The following CELF2 variants were observed in gnomAD, a reference collection of about 807,000 sequenced individuals.
The protein encoded by CELF2 is CUG triplet repeat RNA-binding protein 2.
In CELF2, 8 loss-of-function variants were observed where a neutral mutation model predicts 62.6. The observed-to-expected ratio is 0.13, with a 90% CI of 0.07 to 0.23. The LOEUF is 0.23. Ranked by LOEUF, CELF2 falls within the 10% of genes least tolerant of loss-of-function variation. CELF2 has a pLI of 1.00. For synonymous variants in CELF2, 258 were observed against 250.0 expected, an observed-to-expected ratio of 1.03 and a Z score of -0.30; for missense variants, 333 against 671.0, an observed-to-expected ratio of 0.50 and a Z score of 5.56.
chr10:11,197,321 G>T (rs922849456), intron 2 of CELF2, among the ~76,000 whole-genome samples: 5 of 152,152 alleles, frequency 3.3e-5, no homozygotes, highest in African/African-American at 9.7e-5. Flanking sequence ...CTCCCATTGT[G>T]ATGCTCACTC....
intron 1 of CELF2, among the ~76,000 whole-genome samples, chr10:10,868,597 G>A (rs6602459): frequency 6.6e-6 from 1 of 152,100 alleles, no homozygotes; most frequent in South Asian, 2.1e-4. Flanking sequence ...GGCAGAAGAG[G>A]AGATGGGATG....
chr10:10,653,032 C>T, the CELF2 span, among the ~76,000 whole-genome samples: 4 of 151,980 alleles, frequency 2.6e-5, no homozygotes, highest in African/African-American at 4.8e-5. Flanking sequence ...ATCTACCAAG[C>T]AAATGGAAAA....
At chr10:10,627,511 C>T in the CELF2 span, among the ~76,000 whole-genome samples, 1 of 152,300 alleles carries the variant, frequency 6.6e-6, no homozygotes, top group African/African-American at 2.4e-5. Flanking sequence ...AATTAGAAGT[C>T]CCATTTCTTT....
At chr10:11,248,725 C>T (rs2076320312) in intron 3 of CELF2, among the ~76,000 whole-genome samples, 3 of 152,360 alleles carry the variant, frequency 2.0e-5, no homozygotes, top group South Asian at 2.1e-4. Context: ...TGCATTTTCT[C>T]GTTTAATTCT....
chr10:11,007,425 T>A (rs1462378535), intron 1 of CELF2, among the ~76,000 whole-genome samples: 4 of 152,232 alleles, frequency 2.6e-5, no homozygotes, highest in Non-Finnish European at 5.9e-5. Flanking sequence ...AAATAAATGT[T>A]ACCGGATAAA....
chr10:11,203,635 A>C (rs958458812), intron 2 of CELF2, among the ~76,000 whole-genome samples: 1 of 152,194 alleles, frequency 6.6e-6, no homozygotes, highest in Non-Finnish European at 1.5e-5. Flanking sequence ...GCAAGAACTT[A>C]AACCAGATGG....
At chr10:10,563,734 G>C in the CELF2 span, among the ~76,000 whole-genome samples, 1 of 151,788 alleles carries the variant, frequency 6.6e-6, no homozygotes, top group Admixed American at 6.6e-5. Flanking sequence ...ACCTGAGGCT[G>C]TGTGTTCTGT....
chr10:10,861,849 T>C (rs1392169434), intron 1 of CELF2, among the ~76,000 whole-genome samples: 1 of 152,214 alleles, frequency 6.6e-6, no homozygotes, highest in Non-Finnish European at 1.5e-5. Context: ...TGCTCAAAGT[T>C]AGACAAAGGC....
At chr10:11,133,249 G>A (rs2059890153) in intron 1 of CELF2, among the ~76,000 whole-genome samples, 1 of 152,184 alleles carries the variant, frequency 6.6e-6, no homozygotes, top group South Asian at 2.1e-4. Context: ...TAGAGTAACA[G>A]ATTGTTAGAG....
rs796857171 is a variant in CELF2, at chr10:10,908,214, A to ATT, written c.54-11728_54-11727dup. ...TCCTTGTCAAAGAATGTATGAGGGG[A>ATT]TTTTTTTTTTTTTTTTTTTTTTTGA... On this transcript the variant is annotated intron_variant, in intron 1 of 13. Coordinates refer to the CELF2 transcript ENST00000636488. Among the ~76,000 whole-genome samples, 57 of 83,734 alleles carry ATT rather than the reference A, an allele frequency of 6.8e-4. 5 individuals are homozygous for ATT. The highest frequency in any genetic ancestry group is 0.034 in the Middle Eastern group (2 of 58). The allele number at this position is 83,734 out of a possible 152,430, so 54.9% of individuals were successfully genotyped here.
At chr10:11,183,485 A>C (rs1228520812) in intron 2 of CELF2, among the ~76,000 whole-genome samples, 1 of 152,236 alleles carries the variant, frequency 6.6e-6, no homozygotes, top group East Asian at 1.9e-4. Flanking sequence ...GCTGTATCAT[A>C]TAGTAGGTTT....
Position 11,319,458 on chromosome 10 carries a change from GA to G in CELF2, c.1097-1730del, listed in dbSNP as rs2095300614. Among the ~76,000 whole-genome samples the G allele has an allele frequency of 1.3e-5, 2 of 152,182 alleles. No homozygotes were observed. Among genetic ancestry groups the G allele is most frequent in the South Asian group, 2.1e-4 (1 of 4,826 alleles). On this transcript the variant is annotated intron_variant, in intron 10 of 12. Coordinates refer to ENST00000633077, the MANE Select transcript of CELF2 (RefSeq NM_001326342.2). The surrounding 1 kb of genome is among the most constrained non-coding windows in gnomAD (Gnocchi z 4.4). ...AGGTGGCCGCGATTTGCTGGTGTCC[GA>G]GGGATCATTTAGGGTAATTAGGACA...
At chr10:11,101,125 G>A (rs1389272069) in intron 1 of CELF2, among the ~76,000 whole-genome samples, 1 of 152,136 alleles carries the variant, frequency 6.6e-6, no homozygotes, top group Non-Finnish European at 1.5e-5. Flanking sequence ...AGAGATGATG[G>A]TATAAATGAT....
intron 1 of CELF2, among the ~76,000 whole-genome samples, chr10:10,839,558 G>A (rs112540414): frequency 1.2e-3 from 188 of 152,266 alleles, no homozygotes; most frequent in African/African-American, 4.2e-3. Flanking sequence ...AGCTTCTTTC[G>A]CCCTTGGCCT....
intron 4 of CELF2, among the ~76,000 whole-genome samples, chr10:11,254,872 T>A (rs1046228006): frequency 6.6e-6 from 1 of 152,022 alleles, no homozygotes; most frequent in Non-Finnish European, 1.5e-5. Context: ...TTCTCCCTTT[T>A]CTACCCCCTT....
At chr10:11,222,681 G>A (rs1055578560) in intron 3 of CELF2, among the ~76,000 whole-genome samples, 2 of 152,186 alleles carry the variant, frequency 1.3e-5, no homozygotes, top group Admixed American at 6.5e-5. Context: ...CTGCCACTAT[G>A]CTTACACGTG....
chr10:10,740,217 T>C, the CELF2 span, among the ~76,000 whole-genome samples: 1 of 151,358 alleles, frequency 6.6e-6, no homozygotes, highest in East Asian at 1.9e-4. Flanking sequence ...CAAGGAGCTT[T>C]TCCCCTGTGT....
chr10:11,327,057 G>A (rs1050152156), intron 12 of CELF2, among the ~76,000 whole-genome samples: 4 of 152,192 alleles, frequency 2.6e-5, no homozygotes, highest in South Asian at 2.1e-4. Flanking sequence ...AAAGGACTCC[G>A]CATGTCAGCC....
chr10:11,103,486 G>GTTTTTTTTTTTTTTTTTTT, intron 1 of CELF2, among the ~76,000 whole-genome samples: 2 of 66,826 alleles, frequency 3.0e-5, no homozygotes, highest in South Asian at 5.0e-4. Flanking sequence ...TTTGTAGCCT[G>GTTTTTTTTTTTTTTTTTTT]ATTTTTTTTT....
Sources: gnomAD v4.1 joint callset for allele counts (sites outside exome capture counted in the v4.1 genomes callset) on GRCh38, gnomAD v4.1.1 for gene constraint, Gnocchi (gnomAD v3.1) non-coding constraint, MANE v1.5 for transcripts, NCBI Gene and HGNC (gene_info 2026-07-23, HGNC 2026-07-21) for gene names.